CMIP: variants seen among roughly 807,000 people sequenced by gnomAD.
CMIP encodes the protein c-Maf inducing protein.
Under a neutral mutation model 97.3 loss-of-function variants are expected in CMIP, and 13 were observed. The observed-to-expected ratio is 0.13, with a 90% CI of 0.09 to 0.21. CMIP has a LOEUF of 0.21. Among genes scored for constraint, CMIP ranks in the 10% least tolerant of loss-of-function variants. CMIP has a pLI of 1.00. For synonymous variants in CMIP, 538 were observed against 436.3 expected (o/e 1.23, Z -2.91); for missense variants, 847 against 1,024.9 (o/e 0.83, Z 2.37).
intron 10 of CMIP, among the ~76,000 whole-genome samples, chr16:81,684,169 TC>T (rs1905156775): frequency 1.3e-5 from 2 of 151,812 alleles, no homozygotes; most frequent in East Asian, 3.9e-4. Context: ...CCTGGGAAGG[TC>T]CCTGATGGGA....
intron 3 of CMIP, among the ~76,000 whole-genome samples, chr16:81,641,936 G>C (rs749133620): frequency 6.6e-6 from 1 of 152,214 alleles, no homozygotes; most frequent in Non-Finnish European, 1.5e-5. Context: ...ATTCTGCCTA[G>C]CTCTTAGTAG....
chr16:81,481,871 C>G (rs892848479), intron 1 of CMIP, among the ~76,000 whole-genome samples: 1 of 147,724 alleles, frequency 6.8e-6, no homozygotes, highest in East Asian at 1.9e-4. Context: ...CTGGCCCTCC[C>G]GCCTCCCTCT....
At chr16:81,467,073 C>T (rs1907246838) in intron 1 of CMIP, among the ~76,000 whole-genome samples, 1 of 152,240 alleles carries the variant, frequency 6.6e-6, no homozygotes, top group South Asian at 2.1e-4. Context: ...CAAGGATCTT[C>T]TTGGGCTCTA....
intron 3 of CMIP, among the ~76,000 whole-genome samples, chr16:81,626,893 G>A (rs2092078833): frequency 6.8e-6 from 1 of 146,030 alleles, no homozygotes; most frequent in South Asian, 2.2e-4. Context: ...GTGTGTGTGT[G>A]GCCTGTGGGG....
At chr16:81,615,054 C>G (rs1567611674) in intron 2 of CMIP, among the ~76,000 whole-genome samples, 1 of 120,482 alleles carries the variant, frequency 8.3e-6, no homozygotes, top group Admixed American at 8.5e-5. Context: ...ATCTGTGTGT[C>G]TGTGTGAGGT....
At chr16:81,615,619 T>G (rs1349464362) in intron 2 of CMIP, among the ~76,000 whole-genome samples, 1 of 143,050 alleles carries the variant, frequency 7.0e-6, no homozygotes, top group Non-Finnish European at 1.5e-5. Flanking sequence ...CTTTGTGTGG[T>G]GTGTGTGTAT....
chr16:81,454,995 G>A (rs1174735124), intron 1 of CMIP, among the ~76,000 whole-genome samples: 1 of 152,224 alleles, frequency 6.6e-6, no homozygotes, highest in Non-Finnish European at 1.5e-5. Context: ...GTTTTTATGG[G>A]GTGGACACCG....
At chr16:81,505,935 C>T (rs1207621914) in intron 1 of CMIP, among the ~76,000 whole-genome samples, 4 of 152,210 alleles carry the variant, frequency 2.6e-5, no homozygotes, top group Admixed American at 2.0e-4. Flanking sequence ...GTGGAGGTTG[C>T]GGTGAGCCTA....
intron 10 of CMIP, among the ~76,000 whole-genome samples, chr16:81,684,544 C>T (rs546786658): frequency 3.9e-5 from 6 of 152,366 alleles, no homozygotes; most frequent in African/African-American, 1.4e-4. Context: ...AAAATCCCAG[C>T]TGAGCTGCGT....
chr16:81,507,892 C>G (rs997596499), intron 1 of CMIP, among the ~76,000 whole-genome samples: 2 of 152,200 alleles, frequency 1.3e-5, no homozygotes, highest in Admixed American at 1.3e-4. Flanking sequence ...AGTCCCATTG[C>G]TGCCTGGGAC....
chr16:81,675,530 G>T (rs894440796), intron 9 of CMIP, among the ~76,000 whole-genome samples: 2 of 152,070 alleles, frequency 1.3e-5, no homozygotes, highest in African/African-American at 2.4e-5. Context: ...CAATGTTTTT[G>T]TATCTACGGG....
chr16:81,621,657 C>T lies in CMIP; in HGVS notation c.477+731C>T, dbSNP rs145451485. On this transcript the variant is annotated intron_variant, in intron 3 of 20. Coordinates refer to ENST00000537098, the MANE Select transcript of CMIP (RefSeq NM_198390.3). This position sits in a 1 kb window ranked among gnomAD's most constrained non-coding sequence, Gnocchi z 4.1. ...AGAACAAGCTTTGACAGGCCCCTGG[C>T]CCCACAGCGGGTATGGCTGGAATGA... The T allele has an allele frequency of 6.3e-3, 956 of 152,888 alleles. 14 individuals carry two copies. Among genetic ancestry groups the T allele is most frequent in the Non-Finnish European group, 6.7e-3 (459 of 68,130 alleles). The allele number at this position is 152,888 out of a possible 1,614,324, so 9.5% of individuals were successfully genotyped here. A position where few individuals can be genotyped will look rare whatever the true frequency, so the allele number is the denominator to read the frequency against.
intron 1 of CMIP, among the ~76,000 whole-genome samples, chr16:81,569,464 G>A (rs1013955081): frequency 2.0e-5 from 3 of 152,202 alleles, no homozygotes; most frequent in Non-Finnish European, 4.4e-5. Context: ...ACATGGCACT[G>A]GCTGGGCCTC....
rs1366977487 is a variant in CMIP, at chr16:81,710,365, T to G, written c.*566T>G. 6.4e-6 allele frequency: 1 copy of G among 156,876 alleles called. No individual in the cohort carries two copies. Among genetic ancestry groups the G allele is most frequent in the African/African-American group, 2.4e-5 (1 of 41,424 alleles). 9.7% of individuals were successfully genotyped at this position (156,876 alleles called of 1,614,324 possible). On this transcript the variant is annotated 3_prime_UTR_variant, in exon 21 of 21. Coordinates refer to ENST00000537098, the MANE Select transcript of CMIP (RefSeq NM_198390.3). ...ACCTATTTAAGACATGTTGACAAAT[T>G]GCGGGTCTGGGACCCGCCTCTTATT...
chr16:81,512,693 C>A (rs1210471005), intron 1 of CMIP, among the ~76,000 whole-genome samples: 2 of 151,528 alleles, frequency 1.3e-5, no homozygotes, highest in African/African-American at 4.9e-5. Context: ...TGATGAATTT[C>A]TTTTTTATTA....
chr16:81,473,376 T>C (rs764068550), intron 1 of CMIP, among the ~76,000 whole-genome samples: 1 of 152,248 alleles, frequency 6.6e-6, no homozygotes, highest in Admixed American at 6.5e-5. Context: ...AGGACTGAGC[T>C]GTTTTCCTCT....
chr16:81,482,087 C>T (rs1479058456), intron 1 of CMIP, among the ~76,000 whole-genome samples: 4 of 152,046 alleles, frequency 2.6e-5, no homozygotes, highest in African/African-American at 9.7e-5. Flanking sequence ...CCATGTTGGC[C>T]AGGGTGGTTT....
At position 81,614,781 on chromosome 16, in the gene CMIP, G is replaced by C. The variant is rs367953221; in HGVS notation, c.427-6095G>C. 6.6e-6 allele frequency among the ~76,000 whole-genome samples: 1 copy of C among 151,538 alleles called. No individual in the cohort carries two copies. The highest frequency in any genetic ancestry group is 2.4e-5 in the African/African-American group (1 of 41,176). ...TATGTCTGTGGTGTGTGTGGTATGTGTGCATGTGTGTGCCTGATATGTGTG... is the reference window on the plus strand; with the variant it reads ...TATGTCTGTGGTGTGTGTGGTATGTCTGCATGTGTGTGCCTGATATGTGTG... On this transcript the variant is annotated intron_variant, in intron 2 of 20. Coordinates refer to ENST00000537098, the MANE Select transcript of CMIP (RefSeq NM_198390.3). This position sits in a 1 kb window ranked among gnomAD's most constrained non-coding sequence, Gnocchi z 5.3.
chr16:81,486,917 C>T (rs2089322961), intron 1 of CMIP, among the ~76,000 whole-genome samples: 1 of 152,270 alleles, frequency 6.6e-6, no homozygotes, highest in Non-Finnish European at 1.5e-5. Context: ...TCGCACATTC[C>T]ATACTCCCCG....
Sources: gnomAD v4.1 joint callset for allele counts (sites outside exome capture counted in the v4.1 genomes callset) on GRCh38, gnomAD v4.1.1 for gene constraint, Gnocchi (gnomAD v3.1) non-coding constraint, MANE v1.5 for transcripts, NCBI Gene and HGNC (gene_info 2026-07-23, HGNC 2026-07-21) for gene names.